PAM16: variants seen among roughly 807,000 people sequenced by gnomAD.
PAM16 encodes mitochondrial import inner membrane translocase subunit TIM16.
Under a neutral mutation model 17.9 loss-of-function variants are expected in PAM16, and 11 were observed. The ratio of observed to expected loss-of-function variants is 0.62; its 90% confidence interval spans 0.39 to 1.02. The LOEUF (loss-of-function observed/expected upper bound fraction) is 1.02, where lower values mean the gene tolerates loss of function less well. Among genes scored for constraint, PAM16 ranks in the 50% least tolerant of loss-of-function variants. The pLI, the probability that PAM16 is intolerant of heterozygous loss-of-function variation, is 0.01. For synonymous variants in PAM16, 72 were observed against 67.4 expected (o/e 1.07, Z -0.34); for missense variants, 199 against 165.4 (o/e 1.20, Z -1.11).
In PAM16 at chr16:4,348,939, C is replaced by T. The variant is rs920467986; in HGVS notation, c.3+2293G>A. On this transcript the variant is annotated intron_variant, in intron 1 of 4. Coordinates refer to ENST00000318059, the MANE Select transcript of PAM16 (RefSeq NM_016069.11). ...GATTACAGGCGTGAGCCACCGTACC[C>T]GGCCTAGCACTTTCTTTTTTTTTTT... Among the ~76,000 whole-genome samples, 28 of 146,734 alleles carry T rather than the reference C, an allele frequency of 1.9e-4. 1 individual carries two copies. The East Asian group carries it at 3.1e-3, about 16-fold the overall frequency.
At chr16:4,340,893 T>C in intron 4 of PAM16, 27 bp downstream of exon 4, 4 of 1,612,662 alleles carry the variant, frequency 2.5e-6, no homozygotes, top group South Asian at 1.1e-5. Flanking sequence ...CATGACTTCA[T>C]TCCTCCCAGA....
At chr16:4,347,403 G>A (rs553428392) in intron 1 of PAM16, 4 of 152,332 alleles carry the variant, frequency 2.6e-5, no homozygotes, top group African/African-American at 4.8e-5. Context: ...GCTTCCCAAA[G>A]TGCTAGGATT....
In PAM16 at chr16:4,341,471, G is replaced by A. The variant is rs748366046; in HGVS notation, c.122C>T (p.Ala41Val). 1 of 1,610,274 alleles carries A rather than the reference G, an allele frequency of 6.2e-7. No individual in the cohort carries two copies. The highest frequency in any genetic ancestry group is 1.1e-5 in the South Asian group (1 of 90,436). ...SRAAADARGRAGHRSAAASNL... is the reference protein window; with the variant it reads ...SRAAADARGRVGHRSAAASNL... Reference sequence around the variant, plus strand: ...GGAAGCGGCTGCAGACCGGTGTCCAGCGCGTCCTCGGGCATCAGCTGCGGC... The same window carrying A: ...GGAAGCGGCTGCAGACCGGTGTCCAACGCGTCCTCGGGCATCAGCTGCGGC... The change falls in exon 3 of 5, where the codon GCT (alanine) becomes GTT (valine). Residue 41 changes from alanine to valine, a missense_variant. Transcript: ENST00000318059.
At position 4,351,304 on chromosome 16, in the gene PAM16, G is replaced by A. The variant is rs754615588; in HGVS notation, c.-70C>T. Reference sequence around the variant, plus strand: ...CCGCGGCCGGGGATCAAGCGTGGTCGGCGGGTCAGAGGTCAAGGAAAGCCG... The same window carrying A: ...CCGCGGCCGGGGATCAAGCGTGGTCAGCGGGTCAGAGGTCAAGGAAAGCCG... On this transcript the variant is annotated 5_prime_UTR_variant, in exon 1 of 5. Transcript: ENST00000318059. 12 of 1,301,216 alleles carry A rather than the reference G, an allele frequency of 9.2e-6. No individual in the cohort carries two copies. Among genetic ancestry groups the A allele is most frequent in the African/African-American group, 7.6e-5 (5 of 66,124 alleles). 80.6% of individuals were successfully genotyped at this position (1,301,216 alleles called of 1,614,324 possible).
chr16:4,344,052 C>CA, intron 1 of PAM16: 1 of 398,062 alleles, frequency 2.5e-6, no homozygotes, highest in Non-Finnish European at 4.4e-6. Flanking sequence ...ACCCCACTGT[C>CA]ACACACCAGG....
Position 4,351,026 on chromosome 16 carries a change from C to T in PAM16, c.3+206G>A, listed in dbSNP as rs9646290. The T allele has an allele frequency of 5.5e-3, 1,806 of 328,748 alleles. 7 individuals are homozygous for T. Among genetic ancestry groups the T allele is most frequent in the Non-Finnish European group, 5.6e-3 (1,027 of 181,966 alleles). The allele number at this position is 328,748 out of a possible 1,614,324, so 20.4% of individuals were successfully genotyped here. On this transcript the variant is annotated intron_variant, in intron 1 of 4. Coordinates refer to ENST00000318059, the MANE Select transcript of PAM16 (RefSeq NM_016069.11). ...CCACGTTTGCCCGGCCTCTTCCAGG[C>T]AGACGGTTTTCCCTGGCCCTGAGGC... is the stretch of plus-strand genomic sequence containing the variant.
chr16:4,348,201 C>G (rs1567233144), intron 1 of PAM16: 1 of 152,256 alleles, frequency 6.6e-6, no homozygotes, highest in East Asian at 1.9e-4. Context: ...TGGCCAGTGG[C>G]TGGCGCAGTA....
chr16:4,340,778 G>T, intron 4 of PAM16, 142 bp downstream of exon 4: 1 of 1,098,088 alleles, frequency 9.1e-7, no homozygotes, highest in Non-Finnish European at 1.4e-6. Context: ...CCTCCCTGAG[G>T]CTGGGGCACC....
chr16:4,348,876 C>T (rs1358514363), intron 1 of PAM16, among the ~76,000 whole-genome samples: 2 of 150,906 alleles, frequency 1.3e-5, no homozygotes, highest in African/African-American at 4.9e-5. Context: ...AGGCTGGTCT[C>T]GAACCCCTGA....
In PAM16 at chr16:4,341,497, C is replaced by G; in HGVS notation, c.96G>C (p.Arg32=). 4 of 1,608,308 alleles carry G rather than the reference C, an allele frequency of 2.5e-6. No individual in the cohort carries two copies. Among genetic ancestry groups the G allele is most frequent in the Non-Finnish European group, 3.4e-6 (4 of 1,178,856 alleles). Residue 32 remains arginine (R), a synonymous_variant, in exon 3 of 5, where the codon CGG becomes CGC. Transcript: ENST00000318059. ...CGCGTCCTCGGGCATCAGCTGCGGC[C>G]CGGCTGGCTGTGTGGACATGTGGGT... The part of the protein sequence containing the change: ...RALRQEFAAS[R]AAADARGRAG...
intron 1 of PAM16, 55 bp from the exon 2 acceptor site, chr16:4,343,346 A>C: frequency 6.4e-7 from 1 of 1,552,878 alleles, no homozygotes; most frequent in Non-Finnish European, 8.7e-7. Context: ...GCCCACAGAG[A>C]TGGGCCCTGG....
intron 1 of PAM16, chr16:4,345,943 G>A (rs541167165): frequency 1.1e-4 from 112 of 985,364 alleles, no homozygotes; most frequent in Middle Eastern, 5.2e-4. Context: ...AACAGCCTTC[G>A]GTCCCTCTGC....
In PAM16 at chr16:4,343,257, A is replaced by T; in HGVS notation, c.38T>A (p.Val13Glu). Residue 13 changes from valine to glutamate, a missense_variant, in exon 2 of 5, where the codon GTG (valine) becomes GAG (glutamate). Coordinates refer to ENST00000318059, the MANE Select transcript of PAM16 (RefSeq NM_016069.11). Reference protein sequence around the residue: ...KYLAQIIVMGVQVVGRAFARA... With the variant: ...KYLAQIIVMGEQVVGRAFARA... ...TGCAAAGGCCCTGCCCACCACCTGC[A>T]CGCCCATCACAATGATCTGGGCCAG... 3.1e-6 allele frequency: 5 copies of T among 1,612,698 alleles called. No homozygotes were observed. The highest frequency in any genetic ancestry group is 4.2e-6 in the Non-Finnish European group (5 of 1,179,922).
chr16:4,343,403 G>A, intron 1 of PAM16, 112 bp from the exon 2 acceptor site: 1 of 1,480,688 alleles, frequency 6.8e-7, no homozygotes, highest in Admixed American at 2.4e-5. Flanking sequence ...AGGTCATGAA[G>A]CACAGAGCTG....
chr16:4,340,990 AGAG>A lies in PAM16; in HGVS notation c.226-8_226-6del. ...CTTAAATAAGTGTTCATAGTTCTGC[AGAG>A]GAGAGGGGACGGGTGAGAGGGCTGC... On this transcript the variant is annotated splice_polypyrimidine_tract_variant and splice_region_variant and intron_variant, in intron 3 of 4. Transcript: ENST00000318059. The A allele has an allele frequency of 1.2e-6, 2 of 1,613,058 alleles. No individual in the cohort carries two copies. Among genetic ancestry groups the A allele is most frequent in the African/African-American group, 1.3e-5 (1 of 75,042 alleles).
chr16:4,343,114 C>G, intron 2 of PAM16, 93 bp downstream of exon 2: 1 of 1,559,942 alleles, frequency 6.4e-7, no homozygotes, highest in Non-Finnish European at 8.8e-7. Context: ...ACGCACACTT[C>G]AGAACCGCCA....
intron 3 of PAM16, 117 bp from the exon 4 acceptor site, chr16:4,341,102 A>AC (rs2053638697): frequency 7.3e-7 from 1 of 1,378,460 alleles, no homozygotes; most frequent in Non-Finnish European, 1.0e-6. Flanking sequence ...TGTGTGCCAC[A>AC]CCCAGCTGTT....
intron 3 of PAM16, 74 bp from the exon 4 acceptor site, chr16:4,341,059 A>T: frequency 1.3e-6 from 2 of 1,576,398 alleles, no homozygotes; most frequent in Non-Finnish European, 1.7e-6. Flanking sequence ...ATGTGGGGCC[A>T]CGTGAGAGAG....
intron 2 of PAM16, among the ~76,000 whole-genome samples, chr16:4,342,257 C>CT (rs1567229536): frequency 2.6e-5 from 4 of 152,364 alleles, no homozygotes; most frequent in Non-Finnish European, 5.9e-5. Flanking sequence ...ACTGGAGAGG[C>CT]TGAGGCAGGA....
Sources: allele counts gnomAD v4.1 joint callset (sites outside exome capture counted in the v4.1 genomes callset), GRCh38; gene constraint gnomAD v4.1.1; transcripts MANE v1.5; gene names NCBI Gene and HGNC (gene_info 2026-07-23, HGNC 2026-07-21).